The following ETF1 variants were observed in gnomAD, a reference collection of about 807,000 sequenced individuals.
ETF1 encodes eukaryotic translation termination factor 1, also known as eukaryotic peptide chain release factor subunit 1.
In ETF1, 4 loss-of-function variants were observed where a neutral mutation model predicts 55.1. The ratio of observed to expected loss-of-function variants is 0.07; its 90% confidence interval spans 0.04 to 0.17. The LOEUF (loss-of-function observed/expected upper bound fraction) is 0.17. Among genes scored for constraint, ETF1 ranks in the 10% least tolerant of loss-of-function variants. The probability of loss-of-function intolerance (pLI) is 1.00; values close to 1 mark genes in which losing one functional copy is unlikely to be tolerated. For synonymous variants in ETF1, 157 were observed against 182.3 expected (o/e 0.86, Z 1.12); for missense variants, 142 against 523.6 (o/e 0.27, Z 7.11).
chr5:138,511,731 A>G, intron 6 of ETF1, 127 bp from the exon 7 acceptor site: 1 of 1,391,944 alleles, frequency 7.2e-7, no homozygotes, highest in Non-Finnish European at 9.3e-7. Context: ...ACTGAAGTCT[A>G]AATATGGGGA....
At chr5:138,510,191 C>T (rs1458226712) in intron 9 of ETF1, among the ~76,000 whole-genome samples, 1 of 151,334 alleles carries the variant, frequency 6.6e-6, no homozygotes, top group Non-Finnish European at 1.5e-5. Context: ...AAACGCCTCT[C>T]TACAAAAAAT....
intron 2 of ETF1, among the ~76,000 whole-genome samples, chr5:138,534,508 C>T (rs1259319589): frequency 6.6e-6 from 1 of 152,202 alleles, no homozygotes; most frequent in African/African-American, 2.4e-5. Flanking sequence ...GATTTTGCAA[C>T]AAGTTATTTC....
intron 2 of ETF1, 50 bp downstream of exon 2, chr5:138,542,783 A>T: frequency 6.2e-7 from 1 of 1,603,600 alleles, no homozygotes; most frequent in Non-Finnish European, 8.5e-7. Context: ...GTCCATCCTG[A>T]GGGGTCCGGG....
intron 9 of ETF1, among the ~76,000 whole-genome samples, chr5:138,510,177 G>A (rs1414285374): frequency 6.6e-6 from 1 of 151,218 alleles, no homozygotes; most frequent in Non-Finnish European, 1.5e-5. Flanking sequence ...GGGCAACATG[G>A]TGAAAACGCC....
chr5:138,528,196 C>T lies in ETF1; in HGVS notation c.87-9329G>A, dbSNP rs530776202. Among the ~76,000 whole-genome samples the T allele has an allele frequency of 3.3e-5, 5 of 152,286 alleles. No individual in the cohort carries two copies. The South Asian group carries it at 1.0e-3, about 32-fold the overall frequency. Reference sequence around the variant, plus strand: ...AAAACGGATGGCAAAGGTAAAGTCTCAGAGCTGAGGAAGAACAGGCAACAA... The same window carrying T: ...AAAACGGATGGCAAAGGTAAAGTCTTAGAGCTGAGGAAGAACAGGCAACAA... On this transcript the variant is annotated intron_variant, in intron 2 of 10. Coordinates refer to ENST00000360541, the MANE Select transcript of ETF1 (RefSeq NM_004730.4).
intron 6 of ETF1, among the ~76,000 whole-genome samples, chr5:138,512,247 TATATATATA>T (rs1209257160): frequency 1.2e-4 from 1 of 8,304 alleles, no homozygotes; most frequent in African/African-American, 3.6e-4. Context: ...TATATATATA[TATATATATA>T]TATTTTTTTT....
At chr5:138,525,761 G>T (rs1765443097) in intron 2 of ETF1, among the ~76,000 whole-genome samples, 1 of 151,592 alleles carries the variant, frequency 6.6e-6, no homozygotes, top group Non-Finnish European at 1.5e-5. Flanking sequence ...GCCTGGCCAA[G>T]ATGGTGAAAC....
intron 6 of ETF1, 35 bp downstream of exon 6, chr5:138,512,729 G>T: frequency 6.5e-7 from 1 of 1,538,600 alleles, no homozygotes; most frequent in South Asian, 1.3e-5. Context: ...TCCTACCTAG[G>T]GTCTTACATA....
In ETF1 at chr5:138,541,612, A is replaced by T. The variant is rs1238226971; in HGVS notation, c.86+1221T>A. The T allele has an allele frequency of 2.0e-6, 3 of 1,529,710 alleles. No homozygotes were observed. In the East Asian group the frequency reaches 7.3e-5, roughly 37 times the overall value. The allele number at this position is 1,529,710 out of a possible 1,614,324, so 94.8% of individuals were successfully genotyped here. On this transcript the variant is annotated intron_variant, in intron 2 of 10. Coordinates refer to ENST00000360541, the MANE Select transcript of ETF1 (RefSeq NM_004730.4). ...GAGGGGCTGTCATTCTAAAATTGCA[A>T]ATCTACCCATAAATGACAATCCTGG...
chr5:138,511,961 G>A (rs1452703511), intron 6 of ETF1: 21 of 846,738 alleles, frequency 2.5e-5, no homozygotes, highest in Non-Finnish European at 2.8e-5. Context: ...ACTTTGGGAA[G>A]CTAGGAGAGG....
In ETF1 at chr5:138,511,393, C is replaced by CAG. The variant is rs1561828966; in HGVS notation, c.862+81_862+82insCT. The CAG allele has an allele frequency of 4.5e-5, 63 of 1,414,456 alleles. No homozygotes were observed. In the African/African-American group the frequency reaches 9.5e-4, roughly 21 times the overall value. 87.6% of individuals were successfully genotyped at this position (1,414,456 alleles called of 1,614,324 possible). ...TCATACATACAATCACGTACATACA[C>CAG]ACACACACATACACACACACACACA... On this transcript the variant is annotated intron_variant, in intron 7 of 10. Coordinates refer to ENST00000360541, the MANE Select transcript of ETF1 (RefSeq NM_004730.4).
intron 2 of ETF1, among the ~76,000 whole-genome samples, chr5:138,528,442 C>T (rs1326536647): frequency 3.3e-5 from 5 of 152,166 alleles, no homozygotes; most frequent in Non-Finnish European, 5.9e-5. Context: ...GTTGGGCAAC[C>T]TTACATTCCA....
intron 2 of ETF1, among the ~76,000 whole-genome samples, chr5:138,527,150 T>G (rs1765507520): frequency 6.6e-6 from 1 of 152,196 alleles, no homozygotes; most frequent in African/African-American, 2.4e-5. Context: ...AAAACAGTTT[T>G]CTTTCTAACT....
At chr5:138,542,459 G>A (rs929545177) in intron 2 of ETF1, among the ~76,000 whole-genome samples, 1 of 152,216 alleles carries the variant, frequency 6.6e-6, no homozygotes, top group African/African-American at 2.4e-5. Flanking sequence ...TCAGGGAAGG[G>A]CCCTGGGAAA....
chr5:138,517,029 G>A (rs1162419464), intron 4 of ETF1, among the ~76,000 whole-genome samples: 1 of 152,078 alleles, frequency 6.6e-6, no homozygotes, highest in East Asian at 1.9e-4. Context: ...AAAGTATAAA[G>A]TAAAAGAAGC....
chr5:138,535,718 C>T (rs1200007324), intron 2 of ETF1, among the ~76,000 whole-genome samples: 1 of 116,732 alleles, frequency 8.6e-6, no homozygotes, highest in Admixed American at 8.9e-5. Context: ...AAGACCGTCT[C>T]AAAAAAAAAA....
intron 4 of ETF1, 47 bp from the exon 5 acceptor site, chr5:138,513,753 T>A (rs1405644138): frequency 6.4e-7 from 1 of 1,565,106 alleles, no homozygotes; most frequent in Admixed American, 1.7e-5. Context: ...AAAGCTTTGC[T>A]AAGGTCAAAA....
At chr5:138,538,986 G>A (rs1254964920) in intron 2 of ETF1, among the ~76,000 whole-genome samples, 2 of 152,146 alleles carry the variant, frequency 1.3e-5, no homozygotes, top group South Asian at 2.1e-4. Context: ...TTAGAATTAA[G>A]ATATCAACAA....
At chr5:138,542,626 C>T (rs1580731490) in intron 2 of ETF1, 3 of 1,421,840 alleles carry the variant, frequency 2.1e-6, no homozygotes, top group East Asian at 5.2e-5. Flanking sequence ...GGAGCGCGGG[C>T]CCCTTACCCC....
Sources: allele counts gnomAD v4.1 joint callset (sites outside exome capture counted in the v4.1 genomes callset), GRCh38; gene constraint gnomAD v4.1.1; transcripts MANE v1.5; gene names NCBI Gene and HGNC (gene_info 2026-07-23, HGNC 2026-07-21).